TRAF6: variants seen among roughly 807,000 people sequenced by gnomAD.
TRAF6 encodes the protein TNF receptor associated factor 6.
A neutral mutation model predicts 48.4 loss-of-function variants in TRAF6; 10 were observed. The ratio of observed to expected loss-of-function variants is 0.21; its 90% CI spans 0.13 to 0.35. The LOEUF (loss-of-function observed/expected upper bound fraction) is 0.35, where lower values mean the gene tolerates loss of function less well. Ranked by LOEUF, TRAF6 falls within the 10% of genes least tolerant of loss-of-function variation. The pLI is 1.00. For synonymous variants in TRAF6, 186 were observed against 219.6 expected, an observed-to-expected ratio of 0.85 and a Z score of 1.35; for missense variants, 397 against 661.0, an observed-to-expected ratio of 0.60 and a Z score of 4.38.
intron 1 of TRAF6, among the ~76,000 whole-genome samples, chr11:36,502,934 G>C (rs572275594): frequency 1.3e-5 from 2 of 152,302 alleles, no homozygotes; most frequent in South Asian, 4.1e-4. Flanking sequence ...CAGTAAGAAT[G>C]AATTATTACA....
intron 6 of TRAF6, among the ~76,000 whole-genome samples, chr11:36,491,134 C>G (rs956640307): frequency 1.5e-5 from 2 of 137,756 alleles, no homozygotes; most frequent in African/African-American, 3.0e-5. Flanking sequence ...TTGTCTCTCT[C>G]TAGTTAATAT....
chr11:36,505,108 C>A (rs1476470692), intron 1 of TRAF6, among the ~76,000 whole-genome samples: 1 of 152,188 alleles, frequency 6.6e-6, no homozygotes, highest in Non-Finnish European at 1.5e-5. Context: ...TAAATGAGCA[C>A]TGGTGTCAAC....
rs965915908 is a variant in TRAF6, at chr11:36,488,306, T to C, written c.*1532A>G. The stretch of plus-strand genomic sequence containing the variant: ...ACTCACCAGATCAGGAGCCTAAGGG[T>C]GGGTGGGGAGGGAGAAGAGAGAAAA... On this transcript the variant is annotated 3_prime_UTR_variant, in exon 7 of 7. Transcript: ENST00000526995. 1.2e-5 allele frequency: 1 copy of C among 84,630 alleles called. No homozygotes were observed. Among genetic ancestry groups the C allele is most frequent in the East Asian group, 3.4e-4 (1 of 2,928 alleles). The allele number at this position is 84,630 out of a possible 1,614,324, so 5.2% of individuals were successfully genotyped here.
At chr11:36,508,859 T>G (rs1590650512) in intron 1 of TRAF6, among the ~76,000 whole-genome samples, 1 of 152,170 alleles carries the variant, frequency 6.6e-6, no homozygotes, top group Non-Finnish European at 1.5e-5. Flanking sequence ...GATTTGAACT[T>G]CTCTCCAAAT....
At chr11:36,504,388 A>G (rs1475504448) in intron 1 of TRAF6, among the ~76,000 whole-genome samples, 2 of 152,208 alleles carry the variant, frequency 1.3e-5, no homozygotes, top group Non-Finnish European at 2.9e-5. Context: ...CCTCACCAGG[A>G]GTTGATTCCA....
chr11:36,493,417 T>C (rs2133667437), intron 5 of TRAF6, among the ~76,000 whole-genome samples: 1 of 152,200 alleles, frequency 6.6e-6, no homozygotes, highest in South Asian at 2.1e-4. Flanking sequence ...TTGTAAAGGA[T>C]CAGATAGTAA....
intron 4 of TRAF6, among the ~76,000 whole-genome samples, chr11:36,495,720 C>G (rs1006540329): frequency 2.0e-5 from 3 of 151,660 alleles, no homozygotes; most frequent in Non-Finnish European, 4.4e-5. Context: ...TGGAGAAACC[C>G]CATCTCTACT....
At position 36,489,719 on chromosome 11, in the gene TRAF6, A is replaced by C. The variant is rs1192263813; in HGVS notation, c.*119T>G. 1 of 1,105,854 alleles carries C rather than the reference A, an allele frequency of 9.0e-7. No homozygotes were observed. Among genetic ancestry groups the C allele is most frequent in the Non-Finnish European group, 1.3e-6 (1 of 760,976 alleles). 68.5% of individuals were successfully genotyped at this position (1,105,854 alleles called of 1,614,324 possible). On this transcript the variant is annotated 3_prime_UTR_variant, in exon 7 of 7. Coordinates refer to ENST00000526995, the MANE Select transcript of TRAF6 (RefSeq NM_004620.4). ...GAAATAGTAAGTGACCTCTCTAACAACACTCACTAGTAGATATTACATATT... is the reference window on the plus strand; with the variant it reads ...GAAATAGTAAGTGACCTCTCTAACACCACTCACTAGTAGATATTACATATT...
chr11:36,485,792 C>A lies in TRAF6; in HGVS notation c.*4046G>T, dbSNP rs1011120868. Among the ~76,000 whole-genome samples the A allele has an allele frequency of 1.3e-5, 2 of 152,090 alleles. No homozygotes were observed. Among genetic ancestry groups the A allele is most frequent in the African/African-American group, 4.8e-5 (2 of 41,358 alleles). ...ATTGAGTGTCACAGTCTGCCAAGAT[C>A]CATCCAATTTGATTTCATCAGATCA... On this transcript the variant is annotated 3_prime_UTR_variant, in exon 7 of 7. Coordinates refer to ENST00000526995, the MANE Select transcript of TRAF6 (RefSeq NM_004620.4).
In TRAF6 at chr11:36,484,867, AC is replaced by A. The variant is rs1357475451; in HGVS notation, c.*4970del. 6.6e-6 allele frequency among the ~76,000 whole-genome samples: 1 copy of A among 152,244 alleles called. No homozygotes were observed. Reference sequence around the variant, plus strand: ...TCAAGGACCTTCAAATAAATCCATTACAAAAAATACCCCTTCAGGCAAAATA... The same window carrying A: ...TCAAGGACCTTCAAATAAATCCATTAAAAAAATACCCCTTCAGGCAAAATA... On this transcript the variant is annotated 3_prime_UTR_variant, in exon 7 of 7. Coordinates refer to ENST00000526995, the MANE Select transcript of TRAF6 (RefSeq NM_004620.4).
Position 36,492,419 on chromosome 11 carries a change from T to C in TRAF6, c.756+132A>G, listed in dbSNP as rs1859575877. The C allele has an allele frequency of 1.2e-5, 9 of 751,794 alleles. No homozygotes were observed. The South Asian group carries it at 1.3e-4, about 10-fold the overall frequency. The allele number at this position is 751,794 out of a possible 1,614,324, so 46.6% of individuals were successfully genotyped here. ...CCTTTGCTTCTGCTCACAGCATCCA[T>C]GAATAACTCTATTATATCACTTATT... On this transcript the variant is annotated intron_variant, in intron 6 of 6. Coordinates refer to ENST00000526995, the MANE Select transcript of TRAF6 (RefSeq NM_004620.4).
At position 36,484,019 on chromosome 11, in the gene TRAF6, T is replaced by G. The variant is rs987030269; in HGVS notation, c.*5819A>C. On this transcript the variant is annotated 3_prime_UTR_variant, in exon 7 of 7. Transcript: ENST00000526995. ...TTTTGAGATAAGTGTGAATCCACAT[T>G]CACAACCTGGGTTGAGAAAGGTCAC... 2.0e-5 allele frequency among the ~76,000 whole-genome samples: 3 copies of G among 152,200 alleles called. No homozygotes were observed. Among genetic ancestry groups the G allele is most frequent in the East Asian group, 3.9e-4 (2 of 5,190 alleles).
intron 1 of TRAF6, among the ~76,000 whole-genome samples, chr11:36,507,161 T>C (rs1464811043): frequency 2.3e-5 from 3 of 131,072 alleles, no homozygotes; most frequent in Non-Finnish European, 4.8e-5. Flanking sequence ...TATATACATG[T>C]ATTATACATA....
chr11:36,489,819 T>C lies in TRAF6; in HGVS notation c.*19A>G, dbSNP rs201948293. ...CACTGTTTTCTCCAGGTAGTTGTTT[T>C]TGAGCAAGTGAGGGCAAGCTATACC... On this transcript the variant is annotated 3_prime_UTR_variant, in exon 7 of 7. Coordinates refer to ENST00000526995, the MANE Select transcript of TRAF6 (RefSeq NM_004620.4). The C allele has an allele frequency of 6.3e-5, 100 of 1,594,200 alleles. No homozygotes were observed. The East Asian group carries it at 1.6e-3, about 25-fold the overall frequency.
rs1468782452 is a variant in TRAF6 at position 36,492,040 on chromosome 11, C to T, written c.756+511G>A. Among the ~76,000 whole-genome samples, 4 of 152,200 alleles carry T rather than the reference C, an allele frequency of 2.6e-5. No homozygotes were observed. In the East Asian group the frequency reaches 7.7e-4, roughly 29 times the overall value. ...AGAGTCATTCTAGACGCCTCCCTCT[C>T]CTTCACTCATCACATTTATTTAGTC... On this transcript the variant is annotated intron_variant, in intron 6 of 6. Transcript: ENST00000526995.
chr11:36,501,438 GGA>G lies in TRAF6; in HGVS notation c.76_77del (p.Ser26LeufsTer2), dbSNP rs749231511. On this transcript the variant is annotated frameshift_variant, in exon 2 of 7. Transcript: ENST00000526995. LOFTEE classifies it high-confidence loss of function. ...ESDCCVAMAS[S>X]CSAVTKDDSV... ...TATCATCTTTTGTTACAGCGCTACAGGAGCTGGCCATGGCCACACAGCAGTCA... is the reference window on the plus strand; with the variant it reads ...TATCATCTTTTGTTACAGCGCTACAGGCTGGCCATGGCCACACAGCAGTCA... 11 of 1,614,146 alleles carry G rather than the reference GGA, an allele frequency of 6.8e-6. No individual in the cohort carries two copies. Among genetic ancestry groups the G allele is most frequent in the Non-Finnish European group, 8.5e-6 (10 of 1,180,028 alleles).
Position 36,490,628 on chromosome 11 carries a change from C to A in TRAF6, c.779G>T (p.Arg260Leu). The A allele has an allele frequency of 6.2e-7, 1 of 1,609,578 alleles. No individual in the cohort carries two copies. Among genetic ancestry groups the A allele is most frequent in the Non-Finnish European group, 8.5e-7 (1 of 1,176,516 alleles). Reference protein sequence around the residue: ...HEKMQRNHLARHLQENTQSHM... With the variant: ...HEKMQRNHLALHLQENTQSHM... ...TGACTGGGTGTTCTCTTGTAGGTGG[C>A]GTGCCAAGTGATTCCTCTGCATCTA... Residue 260 changes from arginine (R) to leucine (L), a missense_variant, in exon 7 of 7, where the codon CGC becomes CTC. Physicochemically the swap from Arg to Leu is moderately radical, Grantham distance 102. Around this residue, in one of 4 missense-constraint regions of TRAF6, gnomAD observed 245 missense variants for 349.1 expected, o/e 0.70. Coordinates refer to ENST00000526995, the MANE Select transcript of TRAF6 (RefSeq NM_004620.4). The surrounding 1 kb of genome is among the most constrained non-coding windows in gnomAD (Gnocchi z 6.4).
rs927100912 is a variant in TRAF6, at chr11:36,486,950, G to A, written c.*2888C>T. 1 of 152,258 alleles carries A rather than the reference G, an allele frequency of 6.6e-6. No individual in the cohort carries two copies. Among genetic ancestry groups the A allele is most frequent in the Non-Finnish European group, 1.5e-5 (1 of 68,192 alleles). 9.4% of individuals were successfully genotyped at this position (152,258 alleles called of 1,614,324 possible). On this transcript the variant is annotated 3_prime_UTR_variant, in exon 7 of 7. Coordinates refer to ENST00000526995, the MANE Select transcript of TRAF6 (RefSeq NM_004620.4). The stretch of plus-strand genomic sequence containing the variant: ...CTCAAAATACAAAAAAATTAGCTGG[G>A]CGTGGTGGCGGGTGCCTGTAATCCC...
At chr11:36,492,520 A>G in intron 6 of TRAF6, 31 bp downstream of exon 6, 1 of 1,514,776 alleles carries the variant, frequency 6.6e-7, no homozygotes. Context: ...TTTTACTTAT[A>G]TTCAAGAATT....
Sources: gnomAD v4.1 joint callset for allele counts (sites outside exome capture counted in the v4.1 genomes callset) on GRCh38, gnomAD v4.1.1 for gene constraint, gnomAD v4.1.1 regional missense constraint, Gnocchi (gnomAD v3.1) non-coding constraint, MANE v1.5 for transcripts, NCBI Gene and HGNC (gene_info 2026-07-23, HGNC 2026-07-21) for gene names.